Variants in POFUT2 observed in about 807,000 individuals in gnomAD.
POFUT2 encodes the protein GDP-fucose protein O-fucosyltransferase 2.
A neutral mutation model predicts 55.0 loss-of-function variants in POFUT2; 30 were observed. The ratio of observed to expected loss-of-function variants is 0.55; its 90% CI spans 0.41 to 0.74. The LOEUF (loss-of-function observed/expected upper bound fraction) is 0.74. Among genes scored for constraint, POFUT2 ranks in the 30% least tolerant of loss-of-function variants. The probability of loss-of-function intolerance (pLI) is 0.00; values close to 1 mark genes in which losing one functional copy is unlikely to be tolerated. For synonymous variants in POFUT2, 267 were observed against 231.1 expected, an observed-to-expected ratio of 1.16 and a Z score of -1.41; for missense variants, 524 against 562.6, an observed-to-expected ratio of 0.93 and a Z score of 0.69.
rs780648510 is a variant in POFUT2 at position 45,285,843 on chromosome 21, G to A, written c.217C>T (p.Leu73=). 1 of 1,613,446 alleles carries A rather than the reference G, an allele frequency of 6.2e-7. No homozygotes were observed. The highest frequency in any genetic ancestry group is 8.5e-7 in the Non-Finnish European group (1 of 1,179,968). The part of the protein sequence containing the change: ...YIRIASLLKT[L]LKTEEWVLVL... ...AGCACCCACTCCTCCGTCTTCAGCA[G>A]AGTCTTCAGGAGAGAGGCGATTCGG... The change falls in exon 2 of 9, where the codon CTG becomes TTG. Residue 73 remains leucine (L), a synonymous_variant. Transcript: ENST00000349485. The surrounding 1 kb of genome is among the most constrained non-coding windows in gnomAD (Gnocchi z 4.9).
At chr21:45,274,972 A>C (rs760852449) in intron 6 of POFUT2, among the ~76,000 whole-genome samples, 2 of 152,242 alleles carry the variant, frequency 1.3e-5, no homozygotes, top group Non-Finnish European at 2.9e-5. Flanking sequence ...GCACGGCAAA[A>C]GAAACAATCA....
At position 45,265,928 on chromosome 21, in the gene POFUT2, T is replaced by C; in HGVS notation, c.1137-293A>G. The C allele has an allele frequency of 7.8e-7, 1 of 1,279,980 alleles. No individual in the cohort carries two copies. The highest frequency in any genetic ancestry group is 1.0e-6 in the Non-Finnish European group (1 of 1,000,130). 79.3% of individuals were successfully genotyped at this position (1,279,980 alleles called of 1,614,324 possible). ...CCACCGCATGTCCCCCTGGGAGCCCTCCTCTCCGTCACCAAATCCCAGGCC... is the reference window on the plus strand; with the variant it reads ...CCACCGCATGTCCCCCTGGGAGCCCCCCTCTCCGTCACCAAATCCCAGGCC... On this transcript the variant is annotated intron_variant, in intron 8 of 8. Coordinates refer to ENST00000349485, the MANE Select transcript of POFUT2 (RefSeq NM_133635.6). The surrounding 1 kb of genome is among the most constrained non-coding windows in gnomAD (Gnocchi z 4.6).
Position 45,282,877 on chromosome 21 carries a change from G to A in POFUT2, c.528-418C>T, listed in dbSNP as rs1388313286. 1 of 477,264 alleles carries A rather than the reference G, an allele frequency of 2.1e-6. No homozygotes were observed. Among genetic ancestry groups the A allele is most frequent in the Non-Finnish European group, 4.3e-6 (1 of 231,550 alleles). The allele number at this position is 477,264 out of a possible 1,614,324, so 29.6% of individuals were successfully genotyped here. A position where few individuals can be genotyped will look rare whatever the true frequency, so the allele number is the denominator to read the frequency against. On this transcript the variant is annotated intron_variant, in intron 3 of 8. Transcript: ENST00000349485. The surrounding 1 kb of genome is among the most constrained non-coding windows in gnomAD (Gnocchi z 4.6). ...GTTAACTGACAGCTTTTCCACAGGA[G>A]GCCTGGTAGTGTCAGAGCCTTTAAT...
chr21:45,286,717 A>C (rs556314418), intron 1 of POFUT2, among the ~76,000 whole-genome samples: 3 of 152,378 alleles, frequency 2.0e-5, no homozygotes, highest in Admixed American at 6.5e-5. Context: ...CAAGGGCTAC[A>C]GAAACCCTGT....
chr21:45,283,588 T>C (rs2031028243), intron 2 of POFUT2, 61 bp from the exon 3 acceptor site: 1 of 1,563,108 alleles, frequency 6.4e-7, no homozygotes, highest in Non-Finnish European at 8.8e-7. Flanking sequence ...CTTACGGGCA[T>C]GCATCAGTCA....
rs891682233 is a variant in POFUT2, at chr21:45,285,793, G to C, written c.267C>G (p.Leu89=). Residue 89 remains leucine, a synonymous_variant, in exon 2 of 9, where the codon CTC becomes CTG. Coordinates refer to ENST00000349485, the MANE Select transcript of POFUT2 (RefSeq NM_133635.6). This position sits in a 1 kb window ranked among gnomAD's most constrained non-coding sequence, Gnocchi z 4.9. The part of the protein sequence containing the change: ...WVLVLPPWGR[L]YHWQSPDIHQ... ...GGATGTCAGGACTCTGCCAGTGATA[G>C]AGGCGGCCCCATGGAGGCAGGACAA... 12 of 1,613,676 alleles carry C rather than the reference G, an allele frequency of 7.4e-6. No individual in the cohort carries two copies. The Admixed American group carries it at 2.0e-4, about 27-fold the overall frequency.
At chr21:45,272,854 A>G (rs2093230689) in intron 6 of POFUT2, among the ~76,000 whole-genome samples, 1 of 152,224 alleles carries the variant, frequency 6.6e-6, no homozygotes, top group Non-Finnish European at 1.5e-5. Flanking sequence ...GAACTGAACA[A>G]TAACACTGAC....
At position 45,267,716 on chromosome 21, in the gene POFUT2, G is replaced by A; in HGVS notation, c.1013-3C>T. 6.2e-7 allele frequency: 1 copy of A among 1,613,594 alleles called. No individual in the cohort carries two copies. The highest frequency in any genetic ancestry group is 8.5e-7 in the Non-Finnish European group (1 of 1,179,644). The stretch of plus-strand genomic sequence containing the variant: ...CAGCTTTTTTAGCTCTTCATATTCT[G>A]CAAAGTAGAAGGAGAGACCCTTTGA... On this transcript the variant is annotated splice_polypyrimidine_tract_variant and splice_region_variant and intron_variant, in intron 7 of 8. Transcript: ENST00000349485. The surrounding 1 kb of genome is among the most constrained non-coding windows in gnomAD (Gnocchi z 4.4).
In POFUT2 at chr21:45,277,225, C is replaced by A. The variant is rs2029898671; in HGVS notation, c.706-83G>T. 1.3e-6 allele frequency: 2 copies of A among 1,527,580 alleles called. No homozygotes were observed. Among genetic ancestry groups the A allele is most frequent in the Admixed American group, 1.8e-5 (1 of 55,946 alleles). The allele number at this position is 1,527,580 out of a possible 1,614,324, so 94.6% of individuals were successfully genotyped here. ...GGAGCGGGTTCTCCTGTCGCTGCCA[C>A]CACCCACCCCCGCAGCTGGAACAAG... On this transcript the variant is annotated intron_variant, in intron 5 of 8. Coordinates refer to ENST00000349485, the MANE Select transcript of POFUT2 (RefSeq NM_133635.6). The surrounding 1 kb of genome is among the most constrained non-coding windows in gnomAD (Gnocchi z 6.9).
In POFUT2 at chr21:45,265,441, C is replaced by A. The variant is rs58387020; in HGVS notation, c.*41G>T. 1.9e-6 allele frequency: 3 copies of A among 1,555,802 alleles called. No individual in the cohort carries two copies. Among genetic ancestry groups the A allele is most frequent in the Non-Finnish European group, 2.6e-6 (3 of 1,144,948 alleles). On this transcript the variant is annotated 3_prime_UTR_variant, in exon 9 of 9. Transcript: ENST00000349485. The surrounding 1 kb of genome is among the most constrained non-coding windows in gnomAD (Gnocchi z 4.6). Reference sequence around the variant, plus strand: ...CACGGCGACAGAACCTGCATCCACCCGCGCCTGTCGGGTCCGGGGAGCGGC... The same window carrying A: ...CACGGCGACAGAACCTGCATCCACCAGCGCCTGTCGGGTCCGGGGAGCGGC...
intron 3 of POFUT2, 71 bp downstream of exon 3, chr21:45,283,312 G>GGC (rs1261204705): frequency 8.9e-6 from 7 of 787,146 alleles, no homozygotes; most frequent in Admixed American, 2.9e-5. Flanking sequence ...CTGAGGCGGG[G>GGC]GGGGGGGGAC....
In POFUT2 at chr21:45,265,830, G is replaced by T; in HGVS notation, c.1137-195C>A. ...CCTCGCTCAGGTGCCCTCGACATCG[G>T]CGCCCTGAGGGGCTCTGCCTGGTGC... On this transcript the variant is annotated intron_variant, in intron 8 of 8. Transcript: ENST00000349485. This position sits in a 1 kb window ranked among gnomAD's most constrained non-coding sequence, Gnocchi z 4.6. 1 of 1,400,878 alleles carries T rather than the reference G, an allele frequency of 7.1e-7. No homozygotes were observed. Among genetic ancestry groups the T allele is most frequent in the African/African-American group, 1.5e-5 (1 of 68,814 alleles). 86.8% of individuals were successfully genotyped at this position (1,400,878 alleles called of 1,614,324 possible).
At chr21:45,278,395 A>C (rs2030084918) in intron 4 of POFUT2, among the ~76,000 whole-genome samples, 1 of 152,220 alleles carries the variant, frequency 6.6e-6, no homozygotes, top group Non-Finnish European at 1.5e-5. Flanking sequence ...CTGTCAACGA[A>C]CAGAATGACA....
At position 45,265,925 on chromosome 21, in the gene POFUT2, CCCT is replaced by C; in HGVS notation, c.1137-293_1137-291del. On this transcript the variant is annotated intron_variant, in intron 8 of 8. Transcript: ENST00000349485. The surrounding 1 kb of genome is among the most constrained non-coding windows in gnomAD (Gnocchi z 4.6). Reference sequence around the variant, plus strand: ...GTCCCACCGCATGTCCCCCTGGGAGCCCTCCTCTCCGTCACCAAATCCCAGGCC... The same window carrying C: ...GTCCCACCGCATGTCCCCCTGGGAGCCCTCTCCGTCACCAAATCCCAGGCC... 5 of 1,283,726 alleles carry C rather than the reference CCCT, an allele frequency of 3.9e-6. No individual in the cohort carries two copies. The highest frequency in any genetic ancestry group is 5.0e-6 in the Non-Finnish European group (5 of 1,002,498). 79.5% of individuals were successfully genotyped at this position (1,283,726 alleles called of 1,614,324 possible).
rs145703356 is a variant in POFUT2, at chr21:45,281,680, C to T, written c.638+669G>A. ...TGGGCAAGTGCGAGGGGCACCCGTGCCCTGCTATGCCTGGTCTATGGGAGA... is the reference window on the plus strand; with the variant it reads ...TGGGCAAGTGCGAGGGGCACCCGTGTCCTGCTATGCCTGGTCTATGGGAGA... On this transcript the variant is annotated intron_variant, in intron 4 of 8. Transcript: ENST00000349485. The surrounding 1 kb of genome is among the most constrained non-coding windows in gnomAD (Gnocchi z 5.0). 6.6e-6 allele frequency among the ~76,000 whole-genome samples: 1 copy of T among 152,156 alleles called. No homozygotes were observed.
chr21:45,276,978 T>G, intron 6 of POFUT2, 39 bp downstream of exon 6: 1 of 1,608,236 alleles, frequency 6.2e-7, no homozygotes, highest in Non-Finnish European at 8.5e-7. Flanking sequence ...CCAGAGAGAC[T>G]TTACCTTTTC....
chr21:45,284,738 C>T lies in POFUT2; in HGVS notation c.382+940G>A, dbSNP rs1343283345. Among the ~76,000 whole-genome samples the T allele has an allele frequency of 6.6e-6, 1 of 152,140 alleles. No homozygotes were observed. The highest frequency in any genetic ancestry group is 2.4e-5 in the African/African-American group (1 of 41,416). ...CCGAGGGCTGGCTGCTAGTTAGACC[C>T]AATACCCAACCACAGCTTTCATCTT... On this transcript the variant is annotated intron_variant, in intron 2 of 8. Transcript: ENST00000349485. The surrounding 1 kb of genome is among the most constrained non-coding windows in gnomAD (Gnocchi z 5.8).
intron 1 of POFUT2, 37 bp downstream of exon 1, chr21:45,287,704 T>A: frequency 1.0e-6 from 1 of 998,726 alleles, no homozygotes; most frequent in Non-Finnish European, 1.2e-6. Flanking sequence ...TGCCCGGTCC[T>A]GGAACCCCAG....
chr21:45,277,992 G>C lies in POFUT2; in HGVS notation c.705+111C>G. On this transcript the variant is annotated intron_variant, in intron 5 of 8. Coordinates refer to ENST00000349485, the MANE Select transcript of POFUT2 (RefSeq NM_133635.6). The surrounding 1 kb of genome is among the most constrained non-coding windows in gnomAD (Gnocchi z 6.9). ...GCCCAAATCCATGGCTTAAAATGAT[G>C]GTTTTAATCAGCAAGGTTCAAAAAG... 1.1e-6 allele frequency: 1 copy of C among 922,128 alleles called. No individual in the cohort carries two copies. The highest frequency in any genetic ancestry group is 1.8e-6 in the Non-Finnish European group (1 of 561,046). 57.1% of individuals were successfully genotyped at this position (922,128 alleles called of 1,614,324 possible).
Sources: gnomAD v4.1 joint callset for allele counts (sites outside exome capture counted in the v4.1 genomes callset) on GRCh38, gnomAD v4.1.1 for gene constraint, Gnocchi (gnomAD v3.1) non-coding constraint, MANE v1.5 for transcripts, NCBI Gene and HGNC (gene_info 2026-07-23, HGNC 2026-07-21) for gene names.